Variants in MED14 observed in about 807,000 individuals in gnomAD.
The protein encoded by MED14 is mediator complex subunit 14.
MED14 carries 8 observed loss-of-function variants against 109.0 expected under a neutral mutation model. The ratio of observed to expected loss-of-function variants is 0.07; its 90% CI spans 0.04 to 0.13. The LOEUF (loss-of-function observed/expected upper bound fraction) is 0.13, where lower values mean the gene tolerates loss of function less well. Among genes scored for constraint, MED14 ranks in the 10% least tolerant of loss-of-function variants. The pLI is 1.00. For synonymous variants in MED14, 399 were observed against 408.7 expected, an observed-to-expected ratio of 0.98 and a Z score of 0.29; for missense variants, 711 against 1,142.4, an observed-to-expected ratio of 0.62 and a Z score of 5.44.
intron 21 of MED14, among the ~76,000 whole-genome samples, chrX:40,677,114 C>T (rs1194399504): frequency 8.9e-6 from 1 of 111,780 alleles, no homozygotes. Flanking sequence ...TTGAGGGATG[C>T]CAAAGACCAA....
chrX:40,704,921 C>T (rs932623126), intron 10 of MED14, among the ~76,000 whole-genome samples: 2 of 110,991 alleles, frequency 1.8e-5, no homozygotes, highest in African/African-American at 6.6e-5. Flanking sequence ...GATGCCCAAC[C>T]AGTAAGTACA....
intron 22 of MED14, among the ~76,000 whole-genome samples, chrX:40,674,190 C>T (rs759875988): frequency 9.0e-6 from 1 of 111,273 alleles, no homozygotes; most frequent in Non-Finnish European, 1.9e-5. Flanking sequence ...ACAAGAGCCC[C>T]GCACCTCGGC....
At chrX:40,735,893 G>C (rs1358848424), upstream of MED14, 1 of 267,985 alleles carries the variant, frequency 3.7e-6, no homozygotes, top group Non-Finnish European at 7.1e-6. Flanking sequence ...AGGGAGCCGC[G>C]CGCCGCCGGA....
chrX:40,716,559 C>T (rs949221415), intron 3 of MED14, among the ~76,000 whole-genome samples: 9 of 105,292 alleles, frequency 8.5e-5, no homozygotes, highest in African/African-American at 3.2e-4. Flanking sequence ...CACTGCACTC[C>T]AGTCTGGGTG....
chrX:40,702,842 T>C (rs1931005148), intron 11 of MED14, among the ~76,000 whole-genome samples: 2 of 111,932 alleles, frequency 1.8e-5, no homozygotes, highest in South Asian at 7.3e-4. Flanking sequence ...TTTTCAACCT[T>C]TCTAGCTGAA....
chrX:40,663,479 T>C (rs920662592), intron 25 of MED14, among the ~76,000 whole-genome samples: 5 of 111,975 alleles, frequency 4.5e-5, no homozygotes, highest in Admixed American at 3.8e-4. Flanking sequence ...ACTGGGCTAG[T>C]TGTAGGCCTC....
chrX:40,657,324 G>A (rs1234395863), intron 28 of MED14, among the ~76,000 whole-genome samples: 1 of 111,563 alleles, frequency 9.0e-6, no homozygotes, highest in African/African-American at 3.3e-5. Context: ...ATTAAGAGGA[G>A]GTCATTAGAA....
chrX:40,664,847 T>C (rs938438111), intron 24 of MED14, among the ~76,000 whole-genome samples: 12 of 111,454 alleles, frequency 1.1e-4, no homozygotes, highest in African/African-American at 3.9e-4. Context: ...AAACCAACTT[T>C]GACAAACCAT....
At chrX:40,652,198 G>A (rs998780421) in intron 30 of MED14, among the ~76,000 whole-genome samples, 6 of 112,144 alleles carry the variant, frequency 5.4e-5, no homozygotes, top group African/African-American at 1.9e-4. Flanking sequence ...TAAGGCTACT[G>A]AGTGCTTATA....
At chrX:40,709,779 G>T (rs1462671055) in intron 9 of MED14, among the ~76,000 whole-genome samples, 200 bp downstream of exon 9, 1 of 110,569 alleles carries the variant, frequency 9.0e-6, no homozygotes, top group Non-Finnish European at 1.9e-5. Context: ...AAATATGAAA[G>T]AATATCTTAA....
At position 40,650,440 on chromosome X, in the gene MED14, A is replaced by C. The variant is rs1928824620; in HGVS notation, c.*1366T>G. On this transcript the variant is annotated 3_prime_UTR_variant, in exon 31 of 31. Coordinates refer to ENST00000324817, the MANE Select transcript of MED14 (RefSeq NM_004229.4). ...ATCATCTTGAAGTGGAATTAGACAAAGCATCTACATTTTAATGGAGAACCA... is the reference window on the plus strand; with the variant it reads ...ATCATCTTGAAGTGGAATTAGACAACGCATCTACATTTTAATGGAGAACCA... 4 of 752,777 alleles carry C rather than the reference A, an allele frequency of 5.3e-6. No homozygotes were observed. The Admixed American group carries it at 3.5e-4, about 66-fold the overall frequency. The allele number at this position is 752,777 out of a possible 1,213,427, so 62.0% of individuals were successfully genotyped here.
chrX:40,683,997 A>C (rs946662301), intron 16 of MED14, among the ~76,000 whole-genome samples: 3 of 112,066 alleles, frequency 2.7e-5, no homozygotes, highest in Non-Finnish European at 5.6e-5. Context: ...AGATGAAATA[A>C]TGAGATTACT....
chrX:40,692,301 C>T lies in MED14; in HGVS notation c.1862G>A (p.Cys621Tyr), dbSNP rs1191185371. 2 of 1,168,913 alleles carry T rather than the reference C, an allele frequency of 1.7e-6. No individual in the cohort carries two copies. The highest frequency in any genetic ancestry group is 2.3e-6 in the Non-Finnish European group (2 of 866,121). The change falls in exon 15 of 31, where the codon TGT (cysteine) becomes TAT (tyrosine). Residue 621 changes from cysteine (C) to tyrosine (Y), a missense_variant. Cys to Tyr is a radical substitution (Grantham distance 194). Around this residue, in one of 8 missense-constraint regions of MED14, gnomAD observed 388 missense variants for 517.3 expected, o/e 0.75. Transcript: ENST00000324817. ...TTTTGTTTTCTTGGATTCTACTGGA[C>T]ATGGATCATCAGACAACTAGAATTT... ...NAKRKLSDDP[C>Y]PVESKKTKRA...
chrX:40,720,488 G>A (rs1931676097), intron 3 of MED14, among the ~76,000 whole-genome samples: 1 of 112,028 alleles, frequency 8.9e-6, no homozygotes, highest in Non-Finnish European at 1.9e-5. Context: ...CGCAGCGGTT[G>A]GAACTTGAGT....
intron 24 of MED14, among the ~76,000 whole-genome samples, chrX:40,666,404 G>C (rs1001389235): frequency 2.3e-4 from 24 of 106,293 alleles, no homozygotes; most frequent in African/African-American, 7.9e-4. Flanking sequence ...GTATTTGAGG[G>C]GGGAGACAAG....
chrX:40,723,350 C>T (rs1359371114), intron 3 of MED14, among the ~76,000 whole-genome samples: 3 of 111,536 alleles, frequency 2.7e-5, no homozygotes, highest in Non-Finnish European at 5.6e-5. Context: ...ATTTGCAAGC[C>T]TCATAGTAAC....
chrX:40,650,352 A>G lies in MED14; in HGVS notation c.*1454T>C. On this transcript the variant is annotated 3_prime_UTR_variant, in exon 31 of 31. Transcript: ENST00000324817. ...AAACAAAGTTGAGAACAGATATGAT[A>G]TAGGTACAGTGAGATACTTGAAACT... 1 of 752,792 alleles carries G rather than the reference A, an allele frequency of 1.3e-6. No individual in the cohort carries two copies. The highest frequency in any genetic ancestry group is 1.6e-6 in the Non-Finnish European group (1 of 637,768). The allele number at this position is 752,792 out of a possible 1,213,427, so 62.0% of individuals were successfully genotyped here.
intron 1 of MED14, among the ~76,000 whole-genome samples, chrX:40,733,779 C>A (rs959935328): frequency 1.8e-5 from 2 of 111,866 alleles, no homozygotes. Context: ...ACAGTGGAAT[C>A]AGGAGTTTGG....
intron 23 of MED14, 106 bp downstream of exon 23, chrX:40,671,755 C>T: frequency 8.7e-6 from 4 of 459,568 alleles, no homozygotes; most frequent in Non-Finnish European, 1.1e-5. Context: ...AAAGGGAATT[C>T]TCTCTGAAGC....
Sources: gnomAD v4.1 joint callset for allele counts (sites outside exome capture counted in the v4.1 genomes callset) on GRCh38, gnomAD v4.1.1 for gene constraint, gnomAD v4.1.1 regional missense constraint, MANE v1.5 for transcripts, NCBI Gene and HGNC (gene_info 2026-07-23, HGNC 2026-07-21) for gene names.